SIDT1: variants seen among roughly 807,000 people sequenced by gnomAD.
SIDT1 encodes SID1 transmembrane family, member 1.
Under a neutral mutation model 107.5 loss-of-function variants are expected in SIDT1, and 101 were observed. The observed-to-expected ratio is 0.94, with a 90% confidence interval of 0.80 to 1.11. SIDT1 has a LOEUF of 1.11. Ranked by LOEUF, SIDT1 falls within the 50% of genes least tolerant of loss-of-function variation. The pLI is 0.00. For synonymous variants in SIDT1, 395 were observed against 398.2 expected, an observed-to-expected ratio of 0.99 and a Z score of 0.10; for missense variants, 1,076 against 1,058.2, an observed-to-expected ratio of 1.02 and a Z score of -0.23.
intron 20 of SIDT1, 31 bp downstream of exon 20, chr3:113,616,207 T>C (rs1294263016): frequency 4.6e-6 from 7 of 1,530,630 alleles, no homozygotes; most frequent in Non-Finnish European, 5.4e-6. Flanking sequence ...TCTTTGGCCC[T>C]GTCCCAGAAA....
intron 10 of SIDT1, among the ~76,000 whole-genome samples, chr3:113,598,791 C>T (rs1369592919): frequency 3.7e-5 from 3 of 81,342 alleles, no homozygotes; most frequent in Non-Finnish European, 7.1e-5. Flanking sequence ...TAATAATTTT[C>T]AAAATTACAT....
intron 10 of SIDT1, among the ~76,000 whole-genome samples, chr3:113,596,216 C>T (rs1944536566): frequency 6.6e-6 from 1 of 152,214 alleles, no homozygotes; most frequent in Non-Finnish European, 1.5e-5. Context: ...ATCTGTGGAA[C>T]TTAGCCTAAG....
chr3:113,540,272 A>G (rs1181344450), intron 1 of SIDT1, among the ~76,000 whole-genome samples: 1 of 152,116 alleles, frequency 6.6e-6, no homozygotes. Flanking sequence ...TGAAGGATCT[A>G]CCCTCATGAC....
rs575668571 is a variant in SIDT1 at position 113,615,023 on chromosome 3, CTT to C, written c.1967-1070_1967-1069del. ...TTTGGCTACTTTCTTACACGTCTCT[CTT>C]TTTTTTCTCCTTTCTTCTCTGCTTC... On this transcript the variant is annotated intron_variant, in intron 19 of 24. Coordinates refer to ENST00000264852, the MANE Select transcript of SIDT1 (RefSeq NM_017699.3). 3.9e-6 allele frequency: 6 copies of C among 1,533,742 alleles called. No homozygotes were observed. The South Asian group carries it at 7.1e-5, about 18-fold the overall frequency.
chr3:113,629,522 G>A lies in SIDT1; in HGVS notation c.*1814G>A, dbSNP rs886064902. On this transcript the variant is annotated 3_prime_UTR_variant, in exon 25 of 25. Coordinates refer to ENST00000264852, the MANE Select transcript of SIDT1 (RefSeq NM_017699.3). ...CCTGCACTCCAGCCTGGATGACAGA[G>A]TGAGACCCCATCTCTTAAAAAATAA... 10 of 152,242 alleles carry A rather than the reference G, an allele frequency of 6.6e-5. No individual in the cohort carries two copies. The highest frequency in any genetic ancestry group is 1.5e-4 in the Non-Finnish European group (10 of 68,074). 9.4% of individuals were successfully genotyped at this position (152,242 alleles called of 1,614,324 possible).
chr3:113,615,796 A>T (rs1946061717), intron 19 of SIDT1, among the ~76,000 whole-genome samples: 1 of 152,220 alleles, frequency 6.6e-6, no homozygotes, highest in Admixed American at 6.5e-5. Flanking sequence ...TGTAAACAAA[A>T]AGAAGCTTAG....
chr3:113,620,145 GACT>G (rs1340567878), intron 21 of SIDT1, among the ~76,000 whole-genome samples: 2 of 151,646 alleles, frequency 1.3e-5, no homozygotes, highest in Non-Finnish European at 2.9e-5. Context: ...TTTTCATAAA[GACT>G]ACCCAGTAGG....
At chr3:113,579,426 A>G (rs1943162195) in intron 4 of SIDT1, among the ~76,000 whole-genome samples, 1 of 152,150 alleles carries the variant, frequency 6.6e-6, no homozygotes, top group African/African-American at 2.4e-5. Flanking sequence ...GGAAACAAGA[A>G]CACTCTTGGA....
chr3:113,535,666 A>T (rs1000065940), intron 1 of SIDT1, among the ~76,000 whole-genome samples: 11 of 152,330 alleles, frequency 7.2e-5, no homozygotes, highest in African/African-American at 2.6e-4. Context: ...CAAAGTTGGG[A>T]ACCATGGGAA....
At chr3:113,579,571 C>T (rs1943173742) in intron 4 of SIDT1, among the ~76,000 whole-genome samples, 1 of 152,154 alleles carries the variant, frequency 6.6e-6, no homozygotes, top group Non-Finnish European at 1.5e-5. Flanking sequence ...TCATTAATGA[C>T]ACTCTTTAAT....
intron 10 of SIDT1, among the ~76,000 whole-genome samples, chr3:113,594,147 C>T (rs964138613): frequency 6.6e-6 from 1 of 152,192 alleles, no homozygotes; most frequent in Non-Finnish European, 1.5e-5. Flanking sequence ...CCCTACCCCC[C>T]TCCAGCAGGA....
intron 3 of SIDT1, among the ~76,000 whole-genome samples, chr3:113,572,727 T>A (rs1242297868): frequency 6.6e-6 from 1 of 152,200 alleles, no homozygotes; most frequent in Non-Finnish European, 1.5e-5. Context: ...AATTCATAAT[T>A]CAGCAAATAT....
intron 5 of SIDT1, 70 bp from the exon 6 acceptor site, chr3:113,581,291 G>C (rs941510646): frequency 5.5e-5 from 68 of 1,234,264 alleles, no homozygotes; most frequent in Middle Eastern, 3.8e-4. Flanking sequence ...ATGCTGACAG[G>C]ACCTATGTGT....
chr3:113,574,832 A>G (rs1379371350), intron 3 of SIDT1, among the ~76,000 whole-genome samples: 1 of 152,202 alleles, frequency 6.6e-6, no homozygotes, highest in Non-Finnish European at 1.5e-5. Context: ...TTAATTTTTA[A>G]AACAAATCAG....
At chr3:113,538,522 A>G (rs1428180181) in intron 1 of SIDT1, among the ~76,000 whole-genome samples, 1 of 152,214 alleles carries the variant, frequency 6.6e-6, no homozygotes, top group Non-Finnish European at 1.5e-5. Flanking sequence ...ATAATAGAAA[A>G]TGTGTCGTTA....
chr3:113,569,200 T>A (rs1357710720), intron 3 of SIDT1, among the ~76,000 whole-genome samples: 1 of 151,276 alleles, frequency 6.6e-6, no homozygotes, highest in African/African-American at 2.4e-5. Flanking sequence ...TTATTCCATT[T>A]ATATAAAATT....
At chr3:113,589,532 T>TTTTC (rs1943988746) in intron 9 of SIDT1, among the ~76,000 whole-genome samples, 1 of 144,292 alleles carries the variant, frequency 6.9e-6, no homozygotes, top group Non-Finnish European at 1.5e-5. Context: ...TCTCTCCCTT[T>TTTTC]TTTTTTTTTT....
At chr3:113,597,495 CAA>C (rs60934363) in intron 10 of SIDT1, among the ~76,000 whole-genome samples, 2,359 of 109,238 alleles carry the variant, frequency 0.022, 38 homozygotes, top group African/African-American at 0.079. Flanking sequence ...GACTCCATCT[CAA>C]AAAAAAAAAA....
intron 10 of SIDT1, among the ~76,000 whole-genome samples, chr3:113,597,791 G>A (rs910583502): frequency 6.6e-6 from 1 of 152,182 alleles, no homozygotes; most frequent in African/African-American, 2.4e-5. Context: ...TCCTCATTAA[G>A]ATGAGATCAT....
Sources: allele counts gnomAD v4.1 joint callset (sites outside exome capture counted in the v4.1 genomes callset), GRCh38; gene constraint gnomAD v4.1.1; transcripts MANE v1.5; gene names NCBI Gene and HGNC (gene_info 2026-07-23, HGNC 2026-07-21).